FGD4: variants seen among roughly 807,000 people sequenced by gnomAD.
The protein encoded by FGD4 is FYVE, RhoGEF and PH domain containing 4.
Under a neutral mutation model 102.0 loss-of-function variants are expected in FGD4, and 42 were observed. The ratio of observed to expected loss-of-function variants is 0.41; its 90% CI spans 0.32 to 0.53. FGD4 has a LOEUF of 0.53. Among genes scored for constraint, FGD4 ranks in the 20% least tolerant of loss-of-function variants. FGD4 has a pLI of 0.21. For synonymous variants in FGD4, 380 were observed against 375.7 expected, an observed-to-expected ratio of 1.01 and a Z score of -0.13; for missense variants, 902 against 1,078.2, an observed-to-expected ratio of 0.84 and a Z score of 2.29.
intron 4 of FGD4, among the ~76,000 whole-genome samples, chr12:32,592,148 T>A (rs1408416839): frequency 1.3e-5 from 2 of 151,850 alleles, no homozygotes; most frequent in Non-Finnish European, 2.9e-5. Context: ...AATGGTGTGA[T>A]CTCGGCTCAC....
chr12:32,501,475 A>G (rs545257898), intron 1 of FGD4, among the ~76,000 whole-genome samples: 5 of 152,304 alleles, frequency 3.3e-5, no homozygotes, highest in Non-Finnish European at 5.9e-5. Flanking sequence ...GGTGAAACAG[A>G]TTAAACTCAG....
At chr12:32,430,174 AG>A (rs1204231465) in intron 1 of FGD4, among the ~76,000 whole-genome samples, 1 of 152,038 alleles carries the variant, frequency 6.6e-6, no homozygotes, top group African/African-American at 2.4e-5. Context: ...CGGGTGTGGT[AG>A]CAGGCATCTG....
chr12:32,633,434 C>G (rs1162249823), intron 14 of FGD4, 115 bp from the exon 15 acceptor site: 1 of 1,166,536 alleles, frequency 8.6e-7, no homozygotes, highest in African/African-American at 1.5e-5. Context: ...CCTTTTCTAA[C>G]AAAAATCTGC....
chr12:32,642,364 C>A lies in FGD4; in HGVS notation c.*1831C>A, dbSNP rs564972540. ...AATTAAACTGTAGCTATAGATGATGCTTTGGTTTTCTTAATCTCAAGAAAA... is the reference window on the plus strand; with the variant it reads ...AATTAAACTGTAGCTATAGATGATGATTTGGTTTTCTTAATCTCAAGAAAA... On this transcript the variant is annotated 3_prime_UTR_variant, in exon 17 of 17. Transcript: ENST00000534526. The A allele has an allele frequency of 9.9e-5, 15 of 152,050 alleles. No individual in the cohort carries two copies. The East Asian group carries it at 2.5e-3, about 25-fold the overall frequency. 9.4% of individuals were successfully genotyped at this position (152,050 alleles called of 1,614,324 possible).
chr12:32,546,294 G>A (rs1943218441), intron 1 of FGD4, among the ~76,000 whole-genome samples: 1 of 152,110 alleles, frequency 6.6e-6, no homozygotes, highest in Non-Finnish European at 1.5e-5. Flanking sequence ...AAACTCCTGG[G>A]CTGAAGCCAT....
At chr12:32,473,295 G>A (rs1426617773) in intron 1 of FGD4, among the ~76,000 whole-genome samples, 1 of 151,876 alleles carries the variant, frequency 6.6e-6, no homozygotes, top group Non-Finnish European at 1.5e-5. Context: ...TTTGCTCTTT[G>A]CAATAACTCT....
At chr12:32,472,443 C>T (rs1415968305) in intron 1 of FGD4, among the ~76,000 whole-genome samples, 1 of 152,196 alleles carries the variant, frequency 6.6e-6, no homozygotes, top group Non-Finnish European at 1.5e-5. Context: ...GGGCCAGTGG[C>T]TGCGGAGGGT....
At chr12:32,599,917 T>C (rs544596732) in intron 5 of FGD4, among the ~76,000 whole-genome samples, 1 of 152,170 alleles carries the variant, frequency 6.6e-6, no homozygotes, top group African/African-American at 2.4e-5. Context: ...TATAGCCTCC[T>C]TGTTAGAAGG....
intron 4 of FGD4, among the ~76,000 whole-genome samples, chr12:32,585,862 G>GAAAAAAAAA (rs1946988611): frequency 7.3e-6 from 1 of 136,688 alleles, no homozygotes; most frequent in African/African-American, 3.3e-5. Context: ...AAAAAAAAAG[G>GAAAAAAAAA]GAAATGCAGA....
At chr12:32,532,456 C>T (rs1394415012) in intron 1 of FGD4, among the ~76,000 whole-genome samples, 2 of 152,098 alleles carry the variant, frequency 1.3e-5, no homozygotes, top group East Asian at 3.8e-4. Flanking sequence ...CACTACCTTA[C>T]AGAGTGATAT....
intron 1 of FGD4, among the ~76,000 whole-genome samples, chr12:32,491,149 A>C (rs868751531): frequency 1.3e-4 from 20 of 148,974 alleles, no homozygotes; most frequent in African/African-American, 4.8e-4. Flanking sequence ...AAAAAAAAAA[A>C]ACAAAAAACT....
intron 1 of FGD4, among the ~76,000 whole-genome samples, chr12:32,453,453 C>T (rs868196039): frequency 1.3e-5 from 2 of 151,350 alleles, no homozygotes; most frequent in African/African-American, 4.9e-5. Context: ...AGACTGGTGT[C>T]GAACTCCTGG....
intron 5 of FGD4, chr12:32,600,584 CTTTCTTTCTT>C (rs1250504592): frequency 2.6e-5 from 7 of 269,686 alleles, no homozygotes; most frequent in Admixed American, 8.4e-5. Flanking sequence ...TTCTTTCTTT[CTTTCTTTCTT>C]TTTTTTTTTT....
chr12:32,448,983 T>C (rs1303477824), intron 1 of FGD4, among the ~76,000 whole-genome samples: 3 of 152,338 alleles, frequency 2.0e-5, no homozygotes, highest in Non-Finnish European at 4.4e-5. Context: ...AACTTAATCA[T>C]CTTCATAATG....
intron 1 of FGD4, among the ~76,000 whole-genome samples, chr12:32,472,343 G>C (rs1439508406): frequency 1.3e-5 from 2 of 152,220 alleles, no homozygotes; most frequent in African/African-American, 4.8e-5. Flanking sequence ...GGGCCAGCTG[G>C]AGTTCCGGGT....
intron 10 of FGD4, among the ~76,000 whole-genome samples, chr12:32,617,678 A>G (rs1333290205): frequency 6.6e-6 from 1 of 152,242 alleles, no homozygotes; most frequent in African/African-American, 2.4e-5. Context: ...GGGAAAGTCA[A>G]TGTTCTTCAT....
intron 1 of FGD4, among the ~76,000 whole-genome samples, chr12:32,538,172 A>G (rs933006325): frequency 5.3e-5 from 8 of 152,222 alleles, no homozygotes; most frequent in African/African-American, 1.9e-4. Flanking sequence ...TGCTGGGATT[A>G]CAGGTGTGAG....
chr12:32,555,861 C>T (rs777245234), intron 1 of FGD4, among the ~76,000 whole-genome samples: 6 of 151,754 alleles, frequency 4.0e-5, no homozygotes, highest in Non-Finnish European at 8.8e-5. Context: ...TGAGCCACTG[C>T]GCCCAGCCGA....
intron 1 of FGD4, among the ~76,000 whole-genome samples, chr12:32,479,742 C>T (rs1943672446): frequency 6.7e-6 from 1 of 149,928 alleles, no homozygotes; most frequent in Non-Finnish European, 1.5e-5. Context: ...TCCACTTGAC[C>T]TTCTCTGCAG....
Sources: gnomAD v4.1 joint callset for allele counts (sites outside exome capture counted in the v4.1 genomes callset) on GRCh38, gnomAD v4.1.1 for gene constraint, MANE v1.5 for transcripts, NCBI Gene and HGNC (gene_info 2026-07-23, HGNC 2026-07-21) for gene names.